The following GRM8 variants were observed in gnomAD, a reference collection of about 807,000 sequenced individuals.
GRM8 encodes glutamate metabotropic receptor 8, also known as metabotropic glutamate receptor 8.
In GRM8, 47 loss-of-function variants were observed where a neutral mutation model predicts 87.2. The observed-to-expected ratio is 0.54, with a 90% CI of 0.43 to 0.69. The LOEUF (loss-of-function observed/expected upper bound fraction) is 0.69, where lower values mean the gene tolerates loss of function less well. Ranked by LOEUF, GRM8 falls within the 30% of genes least tolerant of loss-of-function variation. GRM8 has a pLI of 0.00. For synonymous variants in GRM8, 396 were observed against 404.5 expected (o/e 0.98, Z 0.25); for missense variants, 1,019 against 1,139.2 (o/e 0.89, Z 1.52).
chr7:127,021,594 G>A (rs1164601416), intron 3 of GRM8, among the ~76,000 whole-genome samples: 1 of 151,964 alleles, frequency 6.6e-6, no homozygotes, highest in East Asian at 1.9e-4. Flanking sequence ...GGTAGATCTT[G>A]TAACTCTGTT....
intron 3 of GRM8, among the ~76,000 whole-genome samples, chr7:126,981,958 G>A (rs1165195213): frequency 1.3e-5 from 2 of 151,174 alleles, no homozygotes; most frequent in African/African-American, 2.5e-5. Flanking sequence ...AAAACTAATA[G>A]GATAAATACA....
At chr7:127,015,262 A>AAGAG (rs111707931) in intron 3 of GRM8, among the ~76,000 whole-genome samples, 8 of 110,542 alleles carry the variant, frequency 7.2e-5, no homozygotes, top group African/African-American at 2.0e-4. Flanking sequence ...AGAAGAAGAA[A>AAGAG]AGAGAGAGAG....
chr7:126,778,620 C>A (rs941473529), intron 6 of GRM8, among the ~76,000 whole-genome samples: 2 of 152,096 alleles, frequency 1.3e-5, no homozygotes, highest in Non-Finnish European at 2.9e-5. Context: ...ACATGAGAGA[C>A]AAATTTTGAT....
intron 3 of GRM8, among the ~76,000 whole-genome samples, chr7:127,032,497 T>A (rs186475917): frequency 2.5e-4 from 38 of 152,270 alleles, no homozygotes; most frequent in Admixed American, 1.1e-3. Flanking sequence ...CAAAGAAGAC[T>A]ATTCCAACCA....
chr7:126,551,122 T>C (rs2402816), intron 8 of GRM8, among the ~76,000 whole-genome samples: 50,988 of 151,996 alleles, frequency 0.34, 8,953 homozygotes, highest in South Asian at 0.46. Flanking sequence ...TGTGACATAG[T>C]TGTATTCTTT....
intron 7 of GRM8, 53 bp downstream of exon 7, chr7:126,769,812 A>T: frequency 1.6e-6 from 2 of 1,225,052 alleles, no homozygotes; most frequent in East Asian, 2.3e-5. Context: ...ATAGGAGGAA[A>T]AACACACCCT....
chr7:126,904,800 G>A (rs1216697203), intron 3 of GRM8, 117 bp from the exon 4 acceptor site: 10 of 879,468 alleles, frequency 1.1e-5, no homozygotes, highest in African/African-American at 1.7e-5. Context: ...CTCAAAATAT[G>A]TGTCACTCTC....
At chr7:126,821,639 C>A (rs1042742377) in intron 6 of GRM8, among the ~76,000 whole-genome samples, 7 of 152,166 alleles carry the variant, frequency 4.6e-5, no homozygotes, top group African/African-American at 1.7e-4. Context: ...CCTTTCAGAG[C>A]AATTCTTTTT....
intron 3 of GRM8, among the ~76,000 whole-genome samples, chr7:127,052,237 G>T (rs1156766716): frequency 6.6e-6 from 1 of 152,164 alleles, no homozygotes; most frequent in Non-Finnish European, 1.5e-5. Context: ...AGAAGGGGCT[G>T]AGTTCAGTGA....
chr7:126,914,624 T>C (rs925554052), intron 3 of GRM8, among the ~76,000 whole-genome samples: 2 of 152,200 alleles, frequency 1.3e-5, no homozygotes, highest in Non-Finnish European at 2.9e-5. Context: ...TGCAGCAACA[T>C]GGATGCAGCT....
At chr7:127,009,082 T>C (rs2132092996) in intron 3 of GRM8, among the ~76,000 whole-genome samples, 1 of 152,196 alleles carries the variant, frequency 6.6e-6, no homozygotes, top group Admixed American at 6.5e-5. Context: ...AGTTTTTTTT[T>C]TTTCCATCCC....
At chr7:126,654,656 G>A in intron 7 of GRM8, among the ~76,000 whole-genome samples, 1 of 152,176 alleles carries the variant, frequency 6.6e-6, no homozygotes, top group Non-Finnish European at 1.5e-5. Flanking sequence ...ACTGAAGTGG[G>A]AGATTTTTCC....
chr7:126,653,066 A>AAATGTGTG (rs2151252172), intron 7 of GRM8, among the ~76,000 whole-genome samples: 1 of 152,208 alleles, frequency 6.6e-6, no homozygotes, highest in South Asian at 2.1e-4. Flanking sequence ...AAACTCTATA[A>AAATGTGTG]AACGTGTGAG....
chr7:127,060,335 T>C (rs1820483173), intron 3 of GRM8, among the ~76,000 whole-genome samples: 1 of 152,052 alleles, frequency 6.6e-6, no homozygotes, highest in Admixed American at 6.6e-5. Context: ...TATATATTCA[T>C]TAACATATAT....
chr7:127,073,896 T>A (rs1821984161), intron 3 of GRM8, among the ~76,000 whole-genome samples: 1 of 152,218 alleles, frequency 6.6e-6, no homozygotes, highest in South Asian at 2.1e-4. Flanking sequence ...TAGTTTGAAG[T>A]TTTTGTAAGG....
chr7:126,860,692 T>C (rs73723514), intron 6 of GRM8, among the ~76,000 whole-genome samples: 2 of 152,290 alleles, frequency 1.3e-5, no homozygotes, highest in African/African-American at 2.4e-5. Flanking sequence ...GATTTATTTA[T>C]GGAAACTGCA....
intron 2 of GRM8, among the ~76,000 whole-genome samples, chr7:127,195,582 C>T (rs1013432768): frequency 3.0e-4 from 45 of 152,118 alleles, no homozygotes; most frequent in Admixed American, 2.0e-4. Context: ...AGTTCTATCC[C>T]CTCCGGACCT....
At chr7:126,876,542 T>C (rs1799537618) in intron 6 of GRM8, among the ~76,000 whole-genome samples, 1 of 152,152 alleles carries the variant, frequency 6.6e-6, no homozygotes, top group South Asian at 2.1e-4. Flanking sequence ...GGGTTACTTG[T>C]TTTTGAGGTA....
chr7:126,700,962 T>C (rs988612714), intron 7 of GRM8, among the ~76,000 whole-genome samples: 7 of 152,158 alleles, frequency 4.6e-5, no homozygotes, highest in African/African-American at 1.4e-4. Context: ...GCCTCATTAC[T>C]TGATCCCTCC....
Sources: allele counts gnomAD v4.1 joint callset (sites outside exome capture counted in the v4.1 genomes callset), GRCh38; gene constraint gnomAD v4.1.1; transcripts MANE v1.5; gene names NCBI Gene and HGNC (gene_info 2026-07-23, HGNC 2026-07-21).